Variants in HORMAD1 observed in about 807,000 individuals in gnomAD.
HORMAD1 encodes the protein HORMA domain-containing protein 1.
HORMAD1 carries 33 observed loss-of-function variants against 58.2 expected under a neutral mutation model. The observed-to-expected ratio is 0.57, with a 90% CI of 0.43 to 0.76. The LOEUF (loss-of-function observed/expected upper bound fraction) is 0.76. Among genes scored for constraint, HORMAD1 ranks in the 30% least tolerant of loss-of-function variants. HORMAD1 has a pLI of 0.00. For missense variants in HORMAD1, 363 were observed against 462.0 expected, an observed-to-expected ratio of 0.79 and a Z score of 1.96; for synonymous variants, 137 against 144.6, an observed-to-expected ratio of 0.95 and a Z score of 0.38.
chr1:150,718,148 A>T (rs1652143576), intron 2 of HORMAD1, among the ~76,000 whole-genome samples: 1 of 152,060 alleles, frequency 6.6e-6, no homozygotes, highest in Non-Finnish European at 1.5e-5. Flanking sequence ...ATCACCACCA[A>T]TTTCATAACA....
rs1651425862 is a variant in HORMAD1, at chr1:150,698,198, C to T, written c.*456G>A. 1 of 152,148 alleles carries T rather than the reference C, an allele frequency of 6.6e-6. No individual in the cohort carries two copies. The highest frequency in any genetic ancestry group is 6.5e-5 in the Admixed American group (1 of 15,270). The allele number at this position is 152,148 out of a possible 1,614,324, so 9.4% of individuals were successfully genotyped here. A position where few individuals can be genotyped will look rare whatever the true frequency, so the allele number is the denominator to read the frequency against. ...TACATTATATATTAAAATGTTAATA[C>T]ATTATGTCAAAATATTGAAGAACAT... On this transcript the variant is annotated 3_prime_UTR_variant, in exon 15 of 15. Transcript: ENST00000361824.
chr1:150,715,717 C>T (rs1320740888), intron 3 of HORMAD1, among the ~76,000 whole-genome samples: 1 of 151,960 alleles, frequency 6.6e-6, no homozygotes, highest in Admixed American at 6.6e-5. Context: ...ACGTGAGCTT[C>T]CACGCCTGGC....
chr1:150,715,838 T>G (rs1010574255), intron 3 of HORMAD1, among the ~76,000 whole-genome samples: 1 of 152,092 alleles, frequency 6.6e-6, no homozygotes, highest in Non-Finnish European at 1.5e-5. Flanking sequence ...GGTAAAATTA[T>G]ACTTGAGAAA....
rs772790762 is a variant in HORMAD1 at position 150,714,685 on chromosome 1, AC to A, written c.179-8del. The A allele has an allele frequency of 3.5e-6, 5 of 1,435,462 alleles. No homozygotes were observed. In the South Asian group the frequency reaches 6.9e-5, roughly 20 times the overall value. The allele number at this position is 1,435,462 out of a possible 1,614,324, so 88.9% of individuals were successfully genotyped here. On this transcript the variant is annotated splice_polypyrimidine_tract_variant and splice_region_variant and intron_variant, in intron 3 of 14. Coordinates refer to ENST00000361824, the MANE Select transcript of HORMAD1 (RefSeq NM_032132.5). ...AGTATTTTGACACAAAGATCTAAAC[AC>A]AAAAATGATGAAATATAGAGTTACT...
At position 150,714,087 on chromosome 1, in the gene HORMAD1, A is replaced by AT; in HGVS notation, c.276dup (p.Tyr93IlefsTer32). The AT allele has an allele frequency of 6.5e-7, 1 of 1,526,834 alleles. No individual in the cohort carries two copies. Among genetic ancestry groups the AT allele is most frequent in the East Asian group, 2.3e-5 (1 of 43,800 alleles). 94.6% of individuals were successfully genotyped at this position (1,526,834 alleles called of 1,614,324 possible). On this transcript the variant is annotated frameshift_variant, in exon 5 of 15. Transcript: ENST00000361824. LOFTEE classifies it high-confidence loss of function. The stretch of plus-strand genomic sequence containing the variant: ...GATAAAGAGATTGCAAGACTTACAT[A>AT]TTTTTTCTGTAAAGCATCATAACAT...
chr1:150,713,813 T>C, intron 5 of HORMAD1: 1 of 333,636 alleles, frequency 3.0e-6, no homozygotes, highest in Non-Finnish European at 5.5e-6. Flanking sequence ...GACTCTTTAA[T>C]TCATTAACTT....
At chr1:150,705,129 G>A (rs896758573) in intron 10 of HORMAD1, among the ~76,000 whole-genome samples, 3 of 152,116 alleles carry the variant, frequency 2.0e-5, no homozygotes, top group African/African-American at 4.8e-5. Flanking sequence ...AAATAAAAGT[G>A]TTCCTAGAAT....
At chr1:150,715,411 T>A (rs1652038370) in intron 3 of HORMAD1, among the ~76,000 whole-genome samples, 1 of 152,128 alleles carries the variant, frequency 6.6e-6, no homozygotes, top group South Asian at 2.1e-4. Flanking sequence ...GTCTCTCATA[T>A]CCTCAGGTAC....
rs1305752344 is a variant in HORMAD1, at chr1:150,700,125, T to C, written c.1091A>G (p.Glu364Gly). ...CATAAGACTTACTATTCTCCCAGAT[T>C]CATGTTGACTTCTCTTCCGATTTTC... is the stretch of plus-strand genomic sequence containing the variant. ...SKENRKRSQH[E>G]SGRIVLHHFD... The change falls in exon 14 of 15, where the codon GAA (glutamate) becomes GGA (glycine). Residue 364 changes from glutamate to glycine, a missense_variant. Physicochemically the swap from Glu to Gly is moderately conservative, Grantham distance 98. Around this residue, in one of 3 missense-constraint regions of HORMAD1, gnomAD observed 226 missense variants for 257.8 expected, o/e 0.88. Coordinates refer to ENST00000361824, the MANE Select transcript of HORMAD1 (RefSeq NM_032132.5). 7 of 1,538,302 alleles carry C rather than the reference T, an allele frequency of 4.6e-6. No homozygotes were observed. Among genetic ancestry groups the C allele is most frequent in the Non-Finnish European group, 6.3e-6 (7 of 1,111,776 alleles).
rs1651591558 is a variant in HORMAD1 at position 150,703,336 on chromosome 1, T to G, written c.1006A>C (p.Ser336Arg). The G allele has an allele frequency of 6.3e-7, 1 of 1,580,514 alleles. No homozygotes were observed. The highest frequency in any genetic ancestry group is 8.6e-7 in the Non-Finnish European group (1 of 1,156,154). ...ELDMSESKTR[S>R]GKVFQNKMAN... Reference sequence around the variant, plus strand: ...ATTTTATTCTGAAAGACTTTTCCACTTCTTGTTTTGCTTTCAGACATATCA... The same window carrying G: ...ATTTTATTCTGAAAGACTTTTCCACGTCTTGTTTTGCTTTCAGACATATCA... Residue 336 changes from serine (S) to arginine (R), a missense_variant, in exon 13 of 15, where the codon AGT becomes CGT. Physicochemically the swap from Ser to Arg is moderately radical, Grantham distance 110. Around this residue, in one of 3 missense-constraint regions of HORMAD1, gnomAD observed 226 missense variants for 257.8 expected, o/e 0.88. Transcript: ENST00000361824.
At chr1:150,703,191 C>G in intron 13 of HORMAD1, 119 bp downstream of exon 13, 1 of 635,158 alleles carries the variant, frequency 1.6e-6, no homozygotes, top group South Asian at 1.8e-5. Context: ...TAGTAAAGTA[C>G]CTGACACATA....
At chr1:150,711,779 C>A (rs587738767) in intron 6 of HORMAD1, 54 bp downstream of exon 6, 20 of 1,299,548 alleles carry the variant, frequency 1.5e-5, no homozygotes, top group Non-Finnish European at 2.2e-5. Flanking sequence ...TTTAATTAAG[C>A]AAGGCCAAAT....
intron 3 of HORMAD1, among the ~76,000 whole-genome samples, chr1:150,716,327 A>G (rs1344603031): frequency 1.3e-5 from 2 of 151,510 alleles, no homozygotes; most frequent in Non-Finnish European, 2.9e-5. Flanking sequence ...ATGCCCGGCT[A>G]ATTTTTGTAT....
intron 4 of HORMAD1, among the ~76,000 whole-genome samples, chr1:150,714,408 C>G (rs1046492336): frequency 4.6e-5 from 7 of 151,884 alleles, no homozygotes. Flanking sequence ...AATAAAGAAA[C>G]ATTTATTTTT....
intron 9 of HORMAD1, 33 bp from the exon 10 acceptor site, chr1:150,706,842 A>C: frequency 2.0e-6 from 3 of 1,526,632 alleles, no homozygotes; most frequent in Non-Finnish European, 2.6e-6. Flanking sequence ...TGTGCTGTTC[A>C]TGAAATTAAA....
At chr1:150,709,703 A>G (rs587771188) in intron 7 of HORMAD1, among the ~76,000 whole-genome samples, 28 of 152,094 alleles carry the variant, frequency 1.8e-4, no homozygotes, top group East Asian at 1.2e-3. Flanking sequence ...GAGGAAGGCC[A>G]CTGTCTCCTG....
intron 13 of HORMAD1, 65 bp downstream of exon 13, chr1:150,703,245 A>C: frequency 2.3e-6 from 2 of 851,998 alleles, no homozygotes; most frequent in Non-Finnish European, 3.8e-6. Context: ...AAATATTAAA[A>C]TAAACTCACA....
At chr1:150,716,620 T>C (rs1227170052) in intron 3 of HORMAD1, among the ~76,000 whole-genome samples, 1 of 151,842 alleles carries the variant, frequency 6.6e-6, no homozygotes, top group Non-Finnish European at 1.5e-5. Context: ...GAAGAAATGT[T>C]CTAAAATTGA....
chr1:150,708,338 G>A lies in HORMAD1; in HGVS notation c.465C>T (p.Arg155=). 1 of 1,611,368 alleles carries A rather than the reference G, an allele frequency of 6.2e-7. No individual in the cohort carries two copies. Residue 155 remains arginine, a synonymous_variant, in exon 9 of 15, where the codon CGC becomes CGT. Transcript: ENST00000361824. ...GATTTTGCATTAGGATATAAATCTTGCGAATGAGGAGAATGCTTGCTTTCT... is the reference window on the plus strand; with the variant it reads ...GATTTTGCATTAGGATATAAATCTTACGAATGAGGAGAATGCTTGCTTTCT... The part of the protein sequence containing the change: ...DTKKASILLI[R]KIYILMQNLG...
Sources: allele counts gnomAD v4.1 joint callset (sites outside exome capture counted in the v4.1 genomes callset), GRCh38; gene constraint gnomAD v4.1.1; regional missense constraint gnomAD v4.1.1; transcripts MANE v1.5; gene names NCBI Gene and HGNC (gene_info 2026-07-23, HGNC 2026-07-21).